SCN11A: variants seen among roughly 807,000 people sequenced by gnomAD.
SCN11A encodes sodium channel protein type 11 subunit alpha.
In SCN11A, 122 loss-of-function variants were observed where a neutral mutation model predicts 162.2. The ratio of observed to expected loss-of-function variants is 0.75; its 90% CI spans 0.65 to 0.87. The LOEUF is 0.87. Ranked by LOEUF, SCN11A falls within the 40% of genes least tolerant of loss-of-function variation. The pLI is 0.00. For synonymous variants in SCN11A, 758 were observed against 751.5 expected (o/e 1.01, Z -0.14); for missense variants, 2,015 against 2,181.6 (o/e 0.92, Z 1.52).
intron 7 of SCN11A, among the ~76,000 whole-genome samples, chr3:38,932,819 G>C (rs1486883153): frequency 6.6e-6 from 1 of 152,224 alleles, no homozygotes; most frequent in Non-Finnish European, 1.5e-5. Context: ...AAAGACAGCA[G>C]TAACCTCTGC....
chr3:38,906,729 T>G (rs1042963408), intron 14 of SCN11A, among the ~76,000 whole-genome samples: 2 of 152,172 alleles, frequency 1.3e-5, no homozygotes, highest in Admixed American at 1.3e-4. Context: ...CTGTCTTCAA[T>G]GCATCCAGAA....
At position 39,051,881 on chromosome 3, in the gene SCN11A, C is replaced by T; in HGVS notation, c.-424G>A. The T allele has an allele frequency of 1.1e-6, 1 of 943,150 alleles. No individual in the cohort carries two copies. Among genetic ancestry groups the T allele is most frequent in the Non-Finnish European group, 1.6e-6 (1 of 611,068 alleles). The allele number at this position is 943,150 out of a possible 1,614,324, so 58.4% of individuals were successfully genotyped here. On this transcript the variant is annotated 5_prime_UTR_variant, in exon 1 of 30. Transcript: ENST00000302328. ...TCTACCTCATCACATGGCTACCGGC[C>T]ACACAGCAACTAACAGCACCGAGGA...
chr3:38,924,808 C>T (rs947551474), intron 9 of SCN11A, among the ~76,000 whole-genome samples: 4 of 151,976 alleles, frequency 2.6e-5, no homozygotes, highest in Non-Finnish European at 1.5e-5. Flanking sequence ...TGTACCCGGC[C>T]CCCCCTTCAC....
chr3:38,848,060 T>C (rs1408610587), intron 29 of SCN11A, among the ~76,000 whole-genome samples: 2 of 152,200 alleles, frequency 1.3e-5, no homozygotes, highest in Non-Finnish European at 2.9e-5. Context: ...AATGGTAGCA[T>C]TGGAATGCTC....
chr3:38,938,078 T>A (rs1479663535), intron 7 of SCN11A, among the ~76,000 whole-genome samples: 2 of 152,082 alleles, frequency 1.3e-5, no homozygotes, highest in Non-Finnish European at 2.9e-5. Context: ...ATGTCCTTTG[T>A]AGGGACATGG....
At chr3:39,008,480 C>G (rs762714658) in intron 2 of SCN11A, among the ~76,000 whole-genome samples, 2 of 152,084 alleles carry the variant, frequency 1.3e-5, no homozygotes, top group Non-Finnish European at 2.9e-5. Context: ...AGGAGACACC[C>G]GGATAACTGC....
In SCN11A at chr3:38,847,386, G is replaced by T. The variant is rs777094246; in HGVS notation, c.4684C>A (p.Arg1562=). 6.2e-7 allele frequency: 1 copy of T among 1,614,068 alleles called. No individual in the cohort carries two copies. The highest frequency in any genetic ancestry group is 1.1e-5 in the South Asian group (1 of 91,080). Residue 1562 remains arginine (R), a synonymous_variant, in exon 30 of 30, where the codon CGA becomes AGA. Transcript: ENST00000302328. ...GAAGAGTTACATGATTCTTTTGATC[G>T]CAGCATGGGGCTGAGCAGGGAATCC... is the stretch of plus-strand genomic sequence containing the variant. ...GWDSLLSPML[R]SKESCNSSSE...
intron 2 of SCN11A, among the ~76,000 whole-genome samples, chr3:38,982,322 G>C (rs138982299): frequency 6.6e-6 from 1 of 152,292 alleles, no homozygotes; most frequent in East Asian, 1.9e-4. Flanking sequence ...ACTTTTACTG[G>C]GTGTAAAGCG....
At chr3:38,957,424 C>T (rs1006654327) in intron 3 of SCN11A, among the ~76,000 whole-genome samples, 1 of 152,088 alleles carries the variant, frequency 6.6e-6, no homozygotes, top group African/African-American at 2.4e-5. Context: ...ACTAGAGAGA[C>T]AAGATATCAA....
intron 26 of SCN11A, among the ~76,000 whole-genome samples, chr3:38,869,584 T>C (rs1012079607): frequency 2.0e-5 from 3 of 152,130 alleles, no homozygotes; most frequent in Non-Finnish European, 2.9e-5. Context: ...TATTAACTTA[T>C]AATGACAATC....
chr3:38,993,315 A>T (rs899605580), intron 2 of SCN11A, among the ~76,000 whole-genome samples: 1 of 152,154 alleles, frequency 6.6e-6, no homozygotes, highest in Non-Finnish European at 1.5e-5. Context: ...CGGGATCAGA[A>T]AAAAAAGAGC....
intron 19 of SCN11A, among the ~76,000 whole-genome samples, chr3:38,888,255 T>C (rs1490859941): frequency 6.6e-6 from 1 of 152,226 alleles, no homozygotes; most frequent in African/African-American, 2.4e-5. Flanking sequence ...AAGTACCCAC[T>C]GGTTCAGTGA....
intron 2 of SCN11A, among the ~76,000 whole-genome samples, chr3:38,982,324 T>C (rs1424111830): frequency 1.3e-5 from 2 of 152,138 alleles, no homozygotes; most frequent in Admixed American, 6.5e-5. Context: ...TTTTACTGGG[T>C]GTAAAGCGCA....
chr3:38,994,952 C>A (rs2030571992), intron 2 of SCN11A, among the ~76,000 whole-genome samples: 1 of 152,050 alleles, frequency 6.6e-6, no homozygotes, highest in South Asian at 2.1e-4. Flanking sequence ...AACACCCCTG[C>A]CTCTCATTCT....
chr3:39,017,435 C>T (rs775740330), intron 2 of SCN11A, among the ~76,000 whole-genome samples: 1 of 152,194 alleles, frequency 6.6e-6, no homozygotes, highest in Non-Finnish European at 1.5e-5. Context: ...TTCTGTAATG[C>T]CTTTTATTCT....
intron 18 of SCN11A, 47 bp from the exon 19 acceptor site, chr3:38,895,011 A>T: frequency 6.6e-7 from 1 of 1,526,232 alleles, no homozygotes; most frequent in Non-Finnish European, 8.8e-7. Context: ...TTAGCAAAGG[A>T]AAAGATATAG....
chr3:38,924,854 CTCCTT>C (rs2066113028), intron 9 of SCN11A, among the ~76,000 whole-genome samples: 1 of 152,056 alleles, frequency 6.6e-6, no homozygotes, highest in Non-Finnish European at 1.5e-5. Context: ...CTCTCACCCT[CTCCTT>C]TCCAGTCCCA....
chr3:39,024,499 A>T (rs1486551655), intron 2 of SCN11A, among the ~76,000 whole-genome samples: 1 of 152,218 alleles, frequency 6.6e-6, no homozygotes, highest in Non-Finnish European at 1.5e-5. Flanking sequence ...CAGCCTTAAG[A>T]GAAAAAGTTT....
intron 19 of SCN11A, among the ~76,000 whole-genome samples, chr3:38,886,493 C>A (rs1179070147): frequency 1.3e-5 from 2 of 152,126 alleles, no homozygotes; most frequent in African/African-American, 4.8e-5. Context: ...GTACAAAACT[C>A]CGCAAGTAAT....
Sources: gnomAD v4.1 joint callset for allele counts (sites outside exome capture counted in the v4.1 genomes callset) on GRCh38, gnomAD v4.1.1 for gene constraint, MANE v1.5 for transcripts, NCBI Gene and HGNC (gene_info 2026-07-23, HGNC 2026-07-21) for gene names.